The following UNC93A variants were observed in gnomAD, a reference collection of about 807,000 sequenced individuals.
UNC93A encodes unc-93 homolog A, also known as N-acetylglucosamine transporter UNC93A.
In UNC93A, 43 loss-of-function variants were observed where a neutral mutation model predicts 47.5. The observed-to-expected ratio is 0.91, with a 90% CI of 0.71 to 1.17. UNC93A has a LOEUF of 1.17. Ranked by LOEUF, UNC93A falls within the 50% of genes most tolerant of loss-of-function variation. UNC93A has a pLI of 0.00. For synonymous variants in UNC93A, 280 were observed against 258.0 expected, an observed-to-expected ratio of 1.09 and a Z score of -0.82; for missense variants, 605 against 577.6, an observed-to-expected ratio of 1.05 and a Z score of -0.49.
At position 167,298,039 on chromosome 6, in the gene UNC93A, G is replaced by C. The variant is rs969725520; in HGVS notation, c.594G>C (p.Gln198His). 24 of 1,613,316 alleles carry C rather than the reference G, an allele frequency of 1.5e-5. No homozygotes were observed. The highest frequency in any genetic ancestry group is 2.7e-5 in the African/African-American group (2 of 74,710). Residue 198 changes from glutamine to histidine, a missense_variant, in exon 4 of 8, where the codon CAG becomes CAC. By Grantham distance (24) the Gln-to-His change is conservative. Coordinates refer to ENST00000230256, the MANE Select transcript of UNC93A (RefSeq NM_018974.4). ...ACAGCACCCAGAGGCCCTCCCAGCA[G>C]CTGGTCTACACCCTCCTGGGCATCT... The part of the protein sequence containing the change: ...TTNSTQRPSQ[Q>H]LVYTLLGIYT...
At position 167,295,731 on chromosome 6, in the gene UNC93A, C is replaced by T. The variant is rs539705098; in HGVS notation, c.270-301C>T. ...CCTCCCTCGTGCTCCTCGCCTTCCTCGTGCTCCTCGCCTCCCTCGTGCTCC... is the reference window on the plus strand; with the variant it reads ...CCTCCCTCGTGCTCCTCGCCTTCCTTGTGCTCCTCGCCTCCCTCGTGCTCC... On this transcript the variant is annotated intron_variant, in intron 2 of 7. Coordinates refer to ENST00000230256, the MANE Select transcript of UNC93A (RefSeq NM_018974.4). Among the ~76,000 whole-genome samples the T allele has an allele frequency of 2.1e-3, 309 of 146,496 alleles. 15 individuals carry two copies. Among genetic ancestry groups the T allele is most frequent in the Middle Eastern group, 7.0e-3 (2 of 284 alleles).
intron 4 of UNC93A, among the ~76,000 whole-genome samples, chr6:167,299,425 A>G (rs113850142): frequency 3.3e-5 from 5 of 152,236 alleles, no homozygotes; most frequent in African/African-American, 7.2e-5. Context: ...CCCTCAGGCC[A>G]CTTCCACATC....
chr6:167,269,770 CT>C (rs200873286), upstream of UNC93A, among the ~76,000 whole-genome samples: 1 of 140,326 alleles, frequency 7.1e-6, no homozygotes, highest in Non-Finnish European at 1.5e-5. Flanking sequence ...CCACGCCTGG[CT>C]TTTTTTTGTG....
intron 1 of UNC93A, among the ~76,000 whole-genome samples, chr6:167,277,665 CTCTG>C (rs933142876): frequency 2.2e-5 from 3 of 138,510 alleles, no homozygotes; most frequent in Admixed American, 7.4e-5. Flanking sequence ...CTCTCTATCT[CTCTG>C]TCTCTTTCTC....
intron 1 of UNC93A, among the ~76,000 whole-genome samples, chr6:167,280,501 C>T (rs1293483901): frequency 6.6e-6 from 1 of 152,178 alleles, no homozygotes; most frequent in African/African-American, 2.4e-5. Flanking sequence ...TTCACCCAGG[C>T]ACTAGGAGGC....
intron 1 of UNC93A, among the ~76,000 whole-genome samples, chr6:167,292,619 A>G (rs1165123387): frequency 6.6e-6 from 1 of 152,214 alleles, no homozygotes; most frequent in East Asian, 1.9e-4. Context: ...TCTCAAAGTC[A>G]AGTGGAAGGG....
intron 4 of UNC93A, among the ~76,000 whole-genome samples, chr6:167,300,587 G>A (rs1778215316): frequency 6.6e-6 from 1 of 152,170 alleles, no homozygotes; most frequent in South Asian, 2.1e-4. Flanking sequence ...TGAGTGGAAG[G>A]TGTGGACAGG....
chr6:167,311,251 G>T (rs1022571842), intron 7 of UNC93A, among the ~76,000 whole-genome samples: 4 of 152,144 alleles, frequency 2.6e-5, no homozygotes, highest in Non-Finnish European at 5.9e-5. Flanking sequence ...TCACCTTTCA[G>T]TCATCACTGC....
chr6:167,291,546 T>C lies in UNC93A; in HGVS notation c.57T>C (p.Phe19=), dbSNP rs1783841409. ...TTTCCTTTGGGTTCCTGCTTCTCTT[T>C]ACAGCCTATGGAGGTCTGCAGAGCC... ...LVVSFGFLLL[F]TAYGGLQSLQ... The change falls in exon 1 of 8, where the codon TTT becomes TTC. Residue 19 remains phenylalanine (F), a synonymous_variant. Coordinates refer to ENST00000230256, the MANE Select transcript of UNC93A (RefSeq NM_018974.4). The C allele has an allele frequency of 6.2e-7, 1 of 1,613,780 alleles. No homozygotes were observed. The highest frequency in any genetic ancestry group is 8.5e-7 in the Non-Finnish European group (1 of 1,179,870).
intron 1 of UNC93A, among the ~76,000 whole-genome samples, chr6:167,284,003 C>T (rs1284050912): frequency 1.3e-5 from 2 of 152,184 alleles, no homozygotes; most frequent in Non-Finnish European, 1.5e-5. Context: ...GGCTTTCCCT[C>T]ATTTTGGCAG....
intron 5 of UNC93A, 59 bp downstream of exon 5, chr6:167,304,192 G>C: frequency 7.5e-6 from 12 of 1,590,622 alleles, no homozygotes; most frequent in Non-Finnish European, 1.0e-5. Flanking sequence ...TGCCTTGCCT[G>C]TGTCTGTACC....
At chr6:167,289,651 AGAGC>A (rs1783807303), upstream of UNC93A, among the ~76,000 whole-genome samples, 1 of 151,976 alleles carries the variant, frequency 6.6e-6, no homozygotes, top group Non-Finnish European at 1.5e-5. Flanking sequence ...CCAGAGCCAG[AGAGC>A]GAGTCCTAGA....
chr6:167,309,089 T>A (rs944932288), intron 7 of UNC93A, among the ~76,000 whole-genome samples: 2 of 152,004 alleles, frequency 1.3e-5, no homozygotes, highest in African/African-American at 4.8e-5. Flanking sequence ...GAAGGGGACA[T>A]GGCCGTTGCA....
Position 167,303,992 on chromosome 6 carries a change from A to G in UNC93A, c.699A>G (p.Glu233=). 6.2e-7 allele frequency: 1 copy of G among 1,613,474 alleles called. No homozygotes were observed. The highest frequency in any genetic ancestry group is 8.5e-7 in the Non-Finnish European group (1 of 1,179,924). ...TACGAGATGTTCAGCGGGAAAGTGA[A>G]GGAGAGAAGAAATCAGTACCTTTCT... ...QPIRDVQRES[E]GEKKSVPFWS... Residue 233 remains glutamate, a synonymous_variant, in exon 5 of 8, where the codon GAA becomes GAG. Coordinates refer to ENST00000230256, the MANE Select transcript of UNC93A (RefSeq NM_018974.4).
intron 4 of UNC93A, among the ~76,000 whole-genome samples, chr6:167,299,979 A>G (rs898632770): frequency 6.6e-6 from 1 of 152,190 alleles, no homozygotes; most frequent in Non-Finnish European, 1.5e-5. Flanking sequence ...CTGAGTCCAG[A>G]GGAGGGAGCA....
Position 167,282,945 on chromosome 6 carries a change from C to G in UNC93A, c.-51-8494C>G, listed in dbSNP as rs571886832. Among the ~76,000 whole-genome samples the G allele has an allele frequency of 5.9e-5, 9 of 152,222 alleles. No individual in the cohort carries two copies. In the South Asian group the frequency reaches 1.4e-3, roughly 25 times the overall value. The stretch of plus-strand genomic sequence containing the variant: ...AGTTATTATCTAAAGATCTGGAATC[C>G]ATAGAAAGGAGTGTCTAGGTTCAGG... On this transcript the variant is annotated intron_variant, in intron 1 of 3. Transcript: ENST00000503433.
At chr6:167,271,500 C>A (rs1389398254) in intron 1 of UNC93A, 3 of 152,162 alleles carry the variant, frequency 2.0e-5, no homozygotes, top group African/African-American at 7.2e-5. Flanking sequence ...CTGTTTCCTG[C>A]CTTCTGTCTG....
chr6:167,291,346 A>T lies in UNC93A; in HGVS notation c.-144A>T, dbSNP rs1783835655. The T allele has an allele frequency of 1.6e-6, 1 of 624,646 alleles. No homozygotes were observed. Among genetic ancestry groups the T allele is most frequent in the East Asian group, 2.9e-5 (1 of 34,856 alleles). The allele number at this position is 624,646 out of a possible 1,614,324, so 38.7% of individuals were successfully genotyped here. A position where few individuals can be genotyped will look rare whatever the true frequency, so the allele number is the denominator to read the frequency against. ...GAGTGACAGTCTTAATGACTAACAC[A>T]CCTCTAACATTTCACCTCTAGCTCA... is the stretch of plus-strand genomic sequence containing the variant. On this transcript the variant is annotated 5_prime_UTR_variant, in exon 1 of 8. Coordinates refer to ENST00000230256, the MANE Select transcript of UNC93A (RefSeq NM_018974.4).
At chr6:167,302,994 G>A (rs1473410858) in intron 4 of UNC93A, among the ~76,000 whole-genome samples, 3 of 152,106 alleles carry the variant, frequency 2.0e-5, no homozygotes, top group Admixed American at 6.5e-5. Context: ...GATGCTCCCC[G>A]GGCCATAGTC....
Sources: gnomAD v4.1 joint callset for allele counts (sites outside exome capture counted in the v4.1 genomes callset) on GRCh38, gnomAD v4.1.1 for gene constraint, MANE v1.5 for transcripts, NCBI Gene and HGNC (gene_info 2026-07-23, HGNC 2026-07-21) for gene names.